ACVR1: variants seen among roughly 807,000 people sequenced by gnomAD.
ACVR1 encodes the protein activin A receptor type 1.
A neutral mutation model predicts 57.1 loss-of-function variants in ACVR1; 38 were observed. That is an observed-to-expected ratio of 0.67 (90% CI 0.51 to 0.87). The LOEUF (loss-of-function observed/expected upper bound fraction) is 0.87, where lower values mean the gene tolerates loss of function less well. ACVR1 is among the 40% of genes least tolerant of loss of function. The pLI, the probability that ACVR1 is intolerant of heterozygous loss-of-function variation, is 0.00. For missense variants in ACVR1, 463 were observed against 638.2 expected, an observed-to-expected ratio of 0.73 and a Z score of 2.96; for synonymous variants, 212 against 228.1, an observed-to-expected ratio of 0.93 and a Z score of 0.63.
At chr2:157,778,367 A>T (rs1171349125) in intron 4 of ACVR1, 25 bp from the exon 5 acceptor site, 1 of 1,585,070 alleles carries the variant, frequency 6.3e-7, no homozygotes, top group Non-Finnish European at 8.6e-7. Flanking sequence ...AAAAGGGGGA[A>T]TTAGTTGTAA....
At chr2:157,836,147 T>A (rs1168375337) in intron 1 of ACVR1, among the ~76,000 whole-genome samples, 2 of 152,252 alleles carry the variant, frequency 1.3e-5, no homozygotes, top group African/African-American at 4.8e-5. Context: ...ATATTCATCA[T>A]GGGGAGTCGT....
At chr2:157,814,866 C>T (rs1207548616) in intron 2 of ACVR1, among the ~76,000 whole-genome samples, 4 of 152,094 alleles carry the variant, frequency 2.6e-5, no homozygotes, top group African/African-American at 7.2e-5. Flanking sequence ...GGTGGACCAC[C>T]TGAGGTCAGG....
At chr2:157,759,812 C>T (rs1328257749) in intron 9 of ACVR1, among the ~76,000 whole-genome samples, 1 of 152,128 alleles carries the variant, frequency 6.6e-6, no homozygotes, top group Non-Finnish European at 1.5e-5. Context: ...TAATGCGATA[C>T]ATCACATCAA....
intron 4 of ACVR1, among the ~76,000 whole-genome samples, chr2:157,780,076 G>C (rs1686445080): frequency 6.6e-6 from 1 of 152,208 alleles, no homozygotes; most frequent in Admixed American, 6.5e-5. Flanking sequence ...CAGCAACCAA[G>C]AGAAAGCTAA....
chr2:157,826,784 A>G (rs1368671288), intron 1 of ACVR1: 16 of 88,804 alleles, frequency 1.8e-4, no homozygotes, highest in African/African-American at 1.0e-3. Flanking sequence ...AGGAAAGGAA[A>G]GGAAAGGGAA....
At chr2:157,766,299 A>C (rs1456020278) in intron 7 of ACVR1, 103 bp from the exon 8 acceptor site, 11 of 1,234,244 alleles carry the variant, frequency 8.9e-6, no homozygotes, top group Non-Finnish European at 1.3e-5. Flanking sequence ...CTGTAACAAA[A>C]AGTAATTAAA....
At chr2:157,782,397 A>G (rs933280642) in intron 3 of ACVR1, among the ~76,000 whole-genome samples, 6 of 152,244 alleles carry the variant, frequency 3.9e-5, no homozygotes, top group Non-Finnish European at 7.3e-5. Context: ...CTCACCCCTG[A>G]GAATCAAGAG....
chr2:157,755,289 G>T (rs1279129024), intron 9 of ACVR1, among the ~76,000 whole-genome samples: 1 of 151,906 alleles, frequency 6.6e-6, no homozygotes, highest in African/African-American at 2.4e-5. Context: ...AGAAATAAAG[G>T]GCATGTGAAC....
At chr2:157,773,025 G>T (rs976361286) in intron 6 of ACVR1, among the ~76,000 whole-genome samples, 3 of 152,134 alleles carry the variant, frequency 2.0e-5, no homozygotes, top group Non-Finnish European at 4.4e-5. Context: ...GCCAAGTGGT[G>T]GGGGCAGCTT....
chr2:157,833,610 A>C lies in ACVR1; in HGVS notation c.-182-15051T>G, dbSNP rs76839320. Among the ~76,000 whole-genome samples the C allele has an allele frequency of 2.5e-3, 383 of 152,352 alleles. 5 individuals carry two copies. The East Asian group carries it at 0.055, about 22-fold the overall frequency. ...GCAATTGTCTCTGTTTACCATTCACACTGTCAACAATTACAAGAAAAATTC... is the reference window on the plus strand; with the variant it reads ...GCAATTGTCTCTGTTTACCATTCACCCTGTCAACAATTACAAGAAAAATTC... On this transcript the variant is annotated intron_variant, in intron 1 of 10. Coordinates refer to ENST00000434821, the MANE Select transcript of ACVR1 (RefSeq NM_001111067.4).
Position 157,770,531 on chromosome 2 carries a change from A to C in ACVR1, c.644-17T>G. ...TGCCTTTCCCTATGAAAAGCAAAAC[A>C]TAGGTGACACAGAACAGTAGTCATT... is the stretch of plus-strand genomic sequence containing the variant. On this transcript the variant is annotated splice_polypyrimidine_tract_variant and intron_variant, in intron 6 of 10. Transcript: ENST00000434821. 6.2e-7 allele frequency: 1 copy of C among 1,613,880 alleles called. No individual in the cohort carries two copies. The highest frequency in any genetic ancestry group is 8.5e-7 in the Non-Finnish European group (1 of 1,179,872).
intron 1 of ACVR1, chr2:157,860,043 T>C (rs544165163): frequency 2.0e-5 from 3 of 152,130 alleles, no homozygotes; most frequent in South Asian, 4.2e-4. Flanking sequence ...CCCAGACCAA[T>C]TAAATCACAA....
chr2:157,753,362 T>C (rs1574020913), intron 9 of ACVR1, among the ~76,000 whole-genome samples: 1 of 152,108 alleles, frequency 6.6e-6, no homozygotes, highest in East Asian at 1.9e-4. Flanking sequence ...ACCCTGTTTC[T>C]CCTAAAAATA....
chr2:157,812,316 G>T (rs777862266), intron 2 of ACVR1, among the ~76,000 whole-genome samples: 1 of 152,292 alleles, frequency 6.6e-6, no homozygotes, highest in East Asian at 1.9e-4. Context: ...GTAAGGGAAA[G>T]AAAGGGCTGG....
intron 5 of ACVR1, among the ~76,000 whole-genome samples, chr2:157,775,692 GTTC>G (rs1686255606): frequency 6.6e-6 from 1 of 152,144 alleles, no homozygotes; most frequent in African/African-American, 2.4e-5. Context: ...CTCTCTTGCG[GTTC>G]TTTTTGCTCC....
intron 5 of ACVR1, among the ~76,000 whole-genome samples, chr2:157,774,703 C>T (rs1265717259): frequency 6.6e-6 from 1 of 152,216 alleles, no homozygotes; most frequent in African/African-American, 2.4e-5. Flanking sequence ...GAAGCTAGCA[C>T]TTCACCTAAT....
chr2:157,827,221 T>C (rs1261148373), intron 1 of ACVR1, among the ~76,000 whole-genome samples: 3 of 152,148 alleles, frequency 2.0e-5, no homozygotes, highest in Admixed American at 2.0e-4. Context: ...AGACAATCAA[T>C]ATTATTTTTT....
intron 9 of ACVR1, among the ~76,000 whole-genome samples, chr2:157,755,847 G>T (rs1169833637): frequency 6.6e-6 from 1 of 151,930 alleles, no homozygotes; most frequent in Non-Finnish European, 1.5e-5. Context: ...AAAAGAGCCT[G>T]CATAGCCAAA....
intron 1 of ACVR1, among the ~76,000 whole-genome samples, chr2:157,823,675 T>C (rs1432071282): frequency 1.3e-5 from 2 of 151,610 alleles, no homozygotes; most frequent in Non-Finnish European, 2.9e-5. Context: ...CCCGCTATGG[T>C]TTACTTAATT....
Sources: gnomAD v4.1 joint callset for allele counts (sites outside exome capture counted in the v4.1 genomes callset) on GRCh38, gnomAD v4.1.1 for gene constraint, MANE v1.5 for transcripts, NCBI Gene and HGNC (gene_info 2026-07-23, HGNC 2026-07-21) for gene names.